The following EPB41L5 variants were observed in gnomAD, a reference collection of about 807,000 sequenced individuals.
EPB41L5 encodes erythrocyte membrane protein band 4.1 like 5.
A neutral mutation model predicts 106.6 loss-of-function variants in EPB41L5; 55 were observed. The observed-to-expected ratio is 0.52, with a 90% CI of 0.42 to 0.65. The LOEUF is 0.65. Ranked by LOEUF, EPB41L5 falls within the 30% of genes least tolerant of loss-of-function variation. EPB41L5 has a pLI of 0.00. For synonymous variants in EPB41L5, 297 were observed against 306.7 expected (o/e 0.97, Z 0.33); for missense variants, 871 against 882.1 (o/e 0.99, Z 0.16).
At chr2:120,080,915 A>G (rs1366416627) in intron 10 of EPB41L5, among the ~76,000 whole-genome samples, 1 of 151,822 alleles carries the variant, frequency 6.6e-6, no homozygotes, top group Admixed American at 6.6e-5. Context: ...CTTTTGCGAA[A>G]TGTCTGTTCA....
At chr2:120,053,009 T>A (rs1419181741) in intron 3 of EPB41L5, among the ~76,000 whole-genome samples, 1 of 152,216 alleles carries the variant, frequency 6.6e-6, no homozygotes, top group Non-Finnish European at 1.5e-5. Context: ...GTGGAACCAG[T>A]CTCTAGCCTC....
At chr2:120,071,415 T>G (rs1681857155) in intron 3 of EPB41L5, among the ~76,000 whole-genome samples, 1 of 152,122 alleles carries the variant, frequency 6.6e-6, no homozygotes, top group Non-Finnish European at 1.5e-5. Context: ...TCAAAGTAAT[T>G]TATAGATTCA....
At chr2:120,087,357 G>A (rs1162804745) in intron 11 of EPB41L5, 117 bp downstream of exon 11, 2 of 595,544 alleles carry the variant, frequency 3.4e-6, no homozygotes, top group Non-Finnish European at 5.8e-6. Context: ...AATGCAAACA[G>A]TATAATTAAT....
chr2:120,142,252 C>T (rs986015354), intron 18 of EPB41L5, among the ~76,000 whole-genome samples: 2 of 151,850 alleles, frequency 1.3e-5, no homozygotes, highest in Admixed American at 1.3e-4. Flanking sequence ...TTCCAGACTT[C>T]GGTTTTCTCT....
chr2:120,075,075 G>A (rs748722919), intron 5 of EPB41L5, among the ~76,000 whole-genome samples: 6 of 152,100 alleles, frequency 3.9e-5, no homozygotes, highest in Non-Finnish European at 7.3e-5. Flanking sequence ...TGATCCACCC[G>A]CCTCGCCCTC....
At chr2:120,105,825 A>G (rs1323452866) in intron 16 of EPB41L5, 7 of 985,064 alleles carry the variant, frequency 7.1e-6, no homozygotes, top group Non-Finnish European at 8.4e-6. Flanking sequence ...TTTTTTTCTT[A>G]AAAGAGAGGA....
chr2:120,101,352 C>T (rs1684130372), intron 16 of EPB41L5, among the ~76,000 whole-genome samples: 1 of 152,048 alleles, frequency 6.6e-6, no homozygotes, highest in South Asian at 2.1e-4. Context: ...TTTAGACTTC[C>T]AGGTTCTTTT....
chr2:120,038,590 C>T (rs1335763583), intron 2 of EPB41L5, among the ~76,000 whole-genome samples: 1 of 152,148 alleles, frequency 6.6e-6, no homozygotes, highest in Non-Finnish European at 1.5e-5. Context: ...AACCCTATCT[C>T]TACTAAAAAT....
chr2:120,013,312 G>C (rs1403012648), intron 1 of EPB41L5, 102 bp downstream of exon 1: 1 of 152,244 alleles, frequency 6.6e-6, no homozygotes, highest in Non-Finnish European at 1.5e-5. Flanking sequence ...CTTGTCCCCG[G>C]GGAGGCGGGC....
rs11333759 is a variant in EPB41L5 at position 120,161,375 on chromosome 2, C to CA, written c.1887+418dup. 2.4e-3 allele frequency among the ~76,000 whole-genome samples: 312 copies of CA among 129,868 alleles called. 1 individual carries two copies. Among genetic ancestry groups the CA allele is most frequent in the South Asian group, 3.5e-3 (14 of 3,960 alleles). The allele number at this position is 129,868 out of a possible 152,430, so 85.2% of individuals were successfully genotyped here. On this transcript the variant is annotated intron_variant, in intron 21 of 24. Coordinates refer to ENST00000263713, the MANE Select transcript of EPB41L5 (RefSeq NM_020909.4). ...CCTGAGTAATACAGTGAGACTGTCTCAAAAAAAAAAAAAAAAATGTGATAA... is the reference window on the plus strand; with the variant it reads ...CCTGAGTAATACAGTGAGACTGTCTCAAAAAAAAAAAAAAAAAATGTGATAA...
chr2:120,083,272 T>G (rs1682814516), intron 10 of EPB41L5, among the ~76,000 whole-genome samples: 1 of 152,228 alleles, frequency 6.6e-6, no homozygotes, highest in Non-Finnish European at 1.5e-5. Context: ...ACACACTGCT[T>G]TAAATGTGTC....
At chr2:120,141,189 A>C (rs1190975541) in intron 18 of EPB41L5, among the ~76,000 whole-genome samples, 1 of 152,100 alleles carries the variant, frequency 6.6e-6, no homozygotes, top group Non-Finnish European at 1.5e-5. Flanking sequence ...ACTTTTTGTA[A>C]GATAAAATAA....
intron 19 of EPB41L5, among the ~76,000 whole-genome samples, chr2:120,143,489 G>A (rs993590170): frequency 1.3e-5 from 2 of 152,152 alleles, no homozygotes; most frequent in African/African-American, 4.8e-5. Flanking sequence ...GAGGTACAAG[G>A]TGAAGAGTTG....
intron 2 of EPB41L5, among the ~76,000 whole-genome samples, chr2:120,029,374 A>G (rs991312939): frequency 2.6e-5 from 4 of 152,154 alleles, no homozygotes; most frequent in African/African-American, 4.8e-5. Context: ...TGTATATACA[A>G]TATACAAATT....
chr2:120,144,071 A>G (rs1486090155), intron 19 of EPB41L5, among the ~76,000 whole-genome samples: 1 of 152,214 alleles, frequency 6.6e-6, no homozygotes, highest in African/African-American at 2.4e-5. Context: ...TAGTTATAGT[A>G]GCAGTAGTAG....
At chr2:120,034,405 G>T (rs957556277) in intron 2 of EPB41L5, among the ~76,000 whole-genome samples, 2 of 152,194 alleles carry the variant, frequency 1.3e-5, no homozygotes, top group East Asian at 1.9e-4. Flanking sequence ...TGATTCTAGA[G>T]CTATGCCTTA....
At chr2:120,128,256 AACACACACACACACAC>A (rs3084679) in intron 17 of EPB41L5, among the ~76,000 whole-genome samples, 108 of 145,438 alleles carry the variant, frequency 7.4e-4, no homozygotes, top group African/African-American at 2.8e-3. Flanking sequence ...GGTGCTTTAA[AACACACACACACACAC>A]ACACACACAC....
chr2:120,087,295 A>G, intron 11 of EPB41L5, 55 bp downstream of exon 11: 2 of 1,069,194 alleles, frequency 1.9e-6, no homozygotes, highest in Non-Finnish European at 2.8e-6. Context: ...ATTATGTGGT[A>G]ACTTATTTCT....
chr2:120,026,304 C>T (rs1365289115), intron 2 of EPB41L5, among the ~76,000 whole-genome samples: 2 of 152,190 alleles, frequency 1.3e-5, no homozygotes, highest in African/African-American at 4.8e-5. Flanking sequence ...TCCATCACCT[C>T]AAACATTTAG....
Sources: allele counts gnomAD v4.1 joint callset (sites outside exome capture counted in the v4.1 genomes callset), GRCh38; gene constraint gnomAD v4.1.1; transcripts MANE v1.5; gene names NCBI Gene and HGNC (gene_info 2026-07-23, HGNC 2026-07-21).